FKBP3: variants seen among roughly 807,000 people sequenced by gnomAD.
The protein encoded by FKBP3 is peptidyl-prolyl cis-trans isomerase FKBP3.
FKBP3 carries 21 observed loss-of-function variants against 30.6 expected under a neutral mutation model. That is an observed-to-expected ratio of 0.69 (90% CI 0.49 to 0.99). The LOEUF (loss-of-function observed/expected upper bound fraction) is 0.99, where lower values mean the gene tolerates loss of function less well. Ranked by LOEUF, FKBP3 falls within the 50% of genes least tolerant of loss-of-function variation. The pLI is 0.00. For missense variants in FKBP3, 283 were observed against 261.6 expected (o/e 1.08, Z -0.56); for synonymous variants, 82 against 91.3 (o/e 0.90, Z 0.58).
chr14:45,122,872 G>A (rs1221318689), intron 3 of FKBP3, among the ~76,000 whole-genome samples: 2 of 151,554 alleles, frequency 1.3e-5, no homozygotes, highest in Non-Finnish European at 2.9e-5. Context: ...CTAGCTGAAG[G>A]TTTTATCCTT....
chr14:45,126,813 GTC>G (rs1420311511), intron 3 of FKBP3, among the ~76,000 whole-genome samples: 1 of 151,926 alleles, frequency 6.6e-6, no homozygotes, highest in Admixed American at 6.6e-5. Context: ...GCATGACCCT[GTC>G]TCTTTTTTTC....
intron 3 of FKBP3, among the ~76,000 whole-genome samples, chr14:45,124,631 A>G (rs527606481): frequency 1.3e-5 from 2 of 151,786 alleles, no homozygotes; most frequent in Admixed American, 1.3e-4. Flanking sequence ...TAAAATACTG[A>G]GATATTTTAC....
At chr14:45,133,617 C>A (rs779496170) in intron 1 of FKBP3, among the ~76,000 whole-genome samples, 12 of 152,210 alleles carry the variant, frequency 7.9e-5, no homozygotes, top group Admixed American at 2.0e-4. Flanking sequence ...CATGAATGAA[C>A]TTATTTTCCA....
At position 45,127,332 on chromosome 14, in the gene FKBP3, C is replaced by G. The variant is rs537092566; in HGVS notation, c.318+2462G>C. On this transcript the variant is annotated intron_variant, in intron 3 of 6. Coordinates refer to ENST00000396062, the MANE Select transcript of FKBP3 (RefSeq NM_002013.4). ...GTTTAACCATGTTGGCCAGGCTGGTCTCGAACTCCCAACCTCAGGTGATCC... is the reference window on the plus strand; with the variant it reads ...GTTTAACCATGTTGGCCAGGCTGGTGTCGAACTCCCAACCTCAGGTGATCC... 1.4e-3 allele frequency among the ~76,000 whole-genome samples: 220 copies of G among 151,856 alleles called. 2 individuals are homozygous for G. Among genetic ancestry groups the G allele is most frequent in the African/African-American group, 5.2e-3 (215 of 41,364 alleles).
chr14:45,124,442 G>C (rs1464829150), intron 3 of FKBP3, among the ~76,000 whole-genome samples: 2 of 152,172 alleles, frequency 1.3e-5, no homozygotes, highest in African/African-American at 2.4e-5. Context: ...TGAAGCAGGA[G>C]AATCACTTGA....
chr14:45,124,104 T>C (rs1356374518), intron 3 of FKBP3, among the ~76,000 whole-genome samples: 1 of 152,194 alleles, frequency 6.6e-6, no homozygotes, highest in Admixed American at 6.5e-5. Context: ...TTACTGCTTA[T>C]AGTTTTGTGT....
intron 5 of FKBP3, among the ~76,000 whole-genome samples, chr14:45,118,835 C>T (rs775520014): frequency 4.6e-5 from 7 of 152,008 alleles, no homozygotes; most frequent in Non-Finnish European, 7.4e-5. Context: ...AGTGGAGTCA[C>T]GTTGGCACAT....
intron 5 of FKBP3, among the ~76,000 whole-genome samples, chr14:45,119,877 C>CA (rs1555356577): frequency 3.3e-5 from 5 of 151,780 alleles, no homozygotes; most frequent in Admixed American, 6.6e-5. Context: ...TTAGTAGAGA[C>CA]GGGTTTCACA....
chr14:45,130,592 G>C (rs1885191015), intron 2 of FKBP3, 107 bp downstream of exon 2: 1 of 612,608 alleles, frequency 1.6e-6, no homozygotes, highest in African/African-American at 1.9e-5. Flanking sequence ...AAAAATTACA[G>C]GTGGAAAAGC....
chr14:45,120,287 G>A (rs1042502686), intron 5 of FKBP3, among the ~76,000 whole-genome samples: 1 of 152,158 alleles, frequency 6.6e-6, no homozygotes, highest in Non-Finnish European at 1.5e-5. Flanking sequence ...CAGTATAATG[G>A]TCAGTACGGG....
chr14:45,132,140 A>T (rs1885230543), intron 1 of FKBP3, among the ~76,000 whole-genome samples: 1 of 152,212 alleles, frequency 6.6e-6, no homozygotes, highest in African/African-American at 2.4e-5. Flanking sequence ...ATTAGCAGTT[A>T]ACAGCTAACA....
chr14:45,129,111 A>G (rs2139086516), intron 3 of FKBP3, among the ~76,000 whole-genome samples: 1 of 152,362 alleles, frequency 6.6e-6, no homozygotes, highest in South Asian at 2.1e-4. Flanking sequence ...CCCAAAAGCT[A>G]CACTGTCATC....
chr14:45,133,688 A>G (rs1885280372), intron 1 of FKBP3, among the ~76,000 whole-genome samples: 1 of 152,216 alleles, frequency 6.6e-6, no homozygotes, highest in African/African-American at 2.4e-5. Flanking sequence ...GATGGAGACT[A>G]TGCTGACAAA....
At chr14:45,121,160 AGGGTAGAG>A in intron 4 of FKBP3, among the ~76,000 whole-genome samples, 1 of 152,200 alleles carries the variant, frequency 6.6e-6, no homozygotes, top group Non-Finnish European at 1.5e-5. Flanking sequence ...TTCTTAACAA[AGGGTAGAG>A]GGGTAGGACC....
At chr14:45,130,085 T>G (rs535095627) in intron 2 of FKBP3, among the ~76,000 whole-genome samples, 184 bp from the exon 3 acceptor site, 3 of 152,322 alleles carry the variant, frequency 2.0e-5, no homozygotes, top group African/African-American at 7.2e-5. Context: ...AATTTATTTT[T>G]AAACAATAAA....
intron 6 of FKBP3, among the ~76,000 whole-genome samples, chr14:45,116,977 C>T (rs182684817): frequency 3.2e-4 from 48 of 150,292 alleles, no homozygotes; most frequent in Non-Finnish European, 4.6e-4. Context: ...TTGATTTCCC[C>T]GCCCCCCCCA....
chr14:45,116,079 G>T lies in FKBP3; in HGVS notation c.*119C>A. On this transcript the variant is annotated 3_prime_UTR_variant, in exon 7 of 7. Coordinates refer to ENST00000396062, the MANE Select transcript of FKBP3 (RefSeq NM_002013.4). ...AGTAAACAAATTTTATTAACTCCTT[G>T]AATTTTCCAGTTGACTCTTCCTTTA... 1 of 702,860 alleles carries T rather than the reference G, an allele frequency of 1.4e-6. No individual in the cohort carries two copies. Among genetic ancestry groups the T allele is most frequent in the Non-Finnish European group, 2.5e-6 (1 of 405,568 alleles). The allele number at this position is 702,860 out of a possible 1,614,324, so 43.5% of individuals were successfully genotyped here.
At chr14:45,123,972 G>C (rs933099259) in intron 3 of FKBP3, among the ~76,000 whole-genome samples, 4 of 151,874 alleles carry the variant, frequency 2.6e-5, no homozygotes, top group Non-Finnish European at 5.9e-5. Context: ...CTGGAGTTTA[G>C]CTCTTTCCCC....
At position 45,134,444 on chromosome 14, in the gene FKBP3, C is replaced by A. The variant is rs777622667; in HGVS notation, c.13G>T (p.Val5Phe). 33 of 1,609,004 alleles carry A rather than the reference C, an allele frequency of 2.1e-5. No individual in the cohort carries two copies. Among genetic ancestry groups the A allele is most frequent in the Non-Finnish European group, 2.5e-5 (30 of 1,177,656 alleles). ...TCCACGGTCCACGCCCGCTGTGGAACGGCCGCCGCCATCTTCCCCCGCTGC... is the reference window on the plus strand; with the variant it reads ...TCCACGGTCCACGCCCGCTGTGGAAAGGCCGCCGCCATCTTCCCCCGCTGC... MAAA[V>F]PQRAWTVEQL... The change falls in exon 1 of 7, where the codon GTT becomes TTT. Residue 5 changes from valine to phenylalanine, a missense_variant. Physicochemically the swap from Val to Phe is conservative, Grantham distance 50. Coordinates refer to ENST00000396062, the MANE Select transcript of FKBP3 (RefSeq NM_002013.4).
Sources: allele counts gnomAD v4.1 joint callset (sites outside exome capture counted in the v4.1 genomes callset), GRCh38; gene constraint gnomAD v4.1.1; transcripts MANE v1.5; gene names NCBI Gene and HGNC (gene_info 2026-07-23, HGNC 2026-07-21).